Variants in STYXL1 observed in about 807,000 individuals in gnomAD.
STYXL1 encodes serine/threonine/tyrosine interacting like 1, also known as serine/threonine/tyrosine-interacting-like protein 1.
STYXL1 carries 32 observed loss-of-function variants against 36.4 expected under a neutral mutation model. The observed-to-expected ratio is 0.88, with a 90% CI of 0.66 to 1.18. The LOEUF is 1.18. Ranked by LOEUF, STYXL1 falls within the 50% of genes most tolerant of loss-of-function variation. The pLI is 0.00. For synonymous variants in STYXL1, 133 were observed against 144.1 expected (o/e 0.92, Z 0.55); for missense variants, 354 against 394.1 (o/e 0.90, Z 0.86).
chr7:76,014,276 G>C (rs1227173990), intron 4 of STYXL1, among the ~76,000 whole-genome samples: 1 of 151,748 alleles, frequency 6.6e-6, no homozygotes, highest in East Asian at 1.9e-4. Context: ...TGCCCGGCTT[G>C]AAATGCAATT....
intron 7 of STYXL1, 90 bp downstream of exon 7, chr7:76,003,668 G>T: frequency 8.5e-7 from 1 of 1,178,082 alleles, no homozygotes; most frequent in Non-Finnish European, 1.2e-6. Context: ...GGGAAATCAC[G>T]GTCCAGAATA....
At chr7:76,001,330 C>T (rs1314143538) in intron 7 of STYXL1, among the ~76,000 whole-genome samples, 1 of 152,216 alleles carries the variant, frequency 6.6e-6, no homozygotes, top group African/African-American at 2.4e-5. Flanking sequence ...GGACCATCGT[C>T]ATCCCAAAAA....
chr7:76,018,638 G>A (rs141415905), intron 4 of STYXL1, among the ~76,000 whole-genome samples: 107 of 152,198 alleles, frequency 7.0e-4, no homozygotes, highest in African/African-American at 2.4e-3. Flanking sequence ...TGATCCTCCC[G>A]CCTTGGCCTT....
intron 1 of STYXL1, among the ~76,000 whole-genome samples, chr7:76,037,317 G>C (rs1278301222): frequency 6.6e-6 from 1 of 150,470 alleles, no homozygotes; most frequent in African/African-American, 2.4e-5. Context: ...CCACCAGGGG[G>C]AAGGTCTGTC....
In STYXL1 at chr7:76,030,394, C is replaced by T. The variant is rs781875555; in HGVS notation, c.103+27G>A. 1.7e-5 allele frequency: 27 copies of T among 1,544,034 alleles called. No individual in the cohort carries two copies. The Admixed American group carries it at 4.5e-4, about 26-fold the overall frequency. ...ATGTTTGAAGGACACTGTGTTTGAC[C>T]TCCTCCGCTTTTTTCCAAGTACTTA... On this transcript the variant is annotated intron_variant, in intron 2 of 8. Coordinates refer to ENST00000359697, the MANE Select transcript of STYXL1 (RefSeq NM_001317785.2).
intron 8 of STYXL1, among the ~76,000 whole-genome samples, chr7:75,999,763 C>G (rs1554565923): frequency 6.6e-6 from 1 of 152,044 alleles, no homozygotes; most frequent in African/African-American, 2.4e-5. Flanking sequence ...CCAGGCTGGT[C>G]TTGAACTCCT....
In STYXL1 at chr7:76,003,846, G is replaced by A. The variant is rs782470837; in HGVS notation, c.609C>T (p.Gly203=). ...VSMDTGPFFA[G]DADKLLHIRI... ...GGATGTGCAGAAGCTTGTCAGCATC[G>A]CCTGCAAAACTACACGGAAGGACCA... Residue 203 remains glycine, a synonymous_variant, in exon 7 of 9, where the codon GGC becomes GGT. Coordinates refer to ENST00000359697, the MANE Select transcript of STYXL1 (RefSeq NM_001317785.2). 1.1e-5 allele frequency: 17 copies of A among 1,613,982 alleles called. No homozygotes were observed. Among genetic ancestry groups the A allele is most frequent in the South Asian group, 6.6e-5 (6 of 91,084 alleles).
chr7:76,047,813 TG>T lies in STYXL1; in HGVS notation c.-157del. ...CGGAGCCTCTGCCTGGGGCCCCACC[TG>T]GAAAAATGGCTCCTCTAAGGCGCTT... On this transcript the variant is annotated 5_prime_UTR_variant, in exon 1 of 9. Coordinates refer to ENST00000359697, the MANE Select transcript of STYXL1 (RefSeq NM_001317785.2). 1.1e-6 allele frequency: 1 copy of T among 916,706 alleles called. No homozygotes were observed. Among genetic ancestry groups the T allele is most frequent in the Non-Finnish European group, 1.4e-6 (1 of 698,420 alleles). The allele number at this position is 916,706 out of a possible 1,614,324, so 56.8% of individuals were successfully genotyped here.
At chr7:76,009,492 C>A (rs1469919447) in intron 5 of STYXL1, among the ~76,000 whole-genome samples, 2 of 152,122 alleles carry the variant, frequency 1.3e-5, no homozygotes, top group Non-Finnish European at 2.9e-5. Flanking sequence ...CTCACTGCAA[C>A]CTCCGCCTCC....
At chr7:76,007,437 T>C (rs782508080) in intron 5 of STYXL1, among the ~76,000 whole-genome samples, 7 of 152,004 alleles carry the variant, frequency 4.6e-5, no homozygotes, top group African/African-American at 1.7e-4. Context: ...ATAAATAAAG[T>C]ATACGAGACG....
At chr7:76,007,861 G>A (rs1015384033) in intron 5 of STYXL1, among the ~76,000 whole-genome samples, 34 of 142,880 alleles carry the variant, frequency 2.4e-4, no homozygotes, top group Non-Finnish European at 3.0e-4. Flanking sequence ...GTTACAGAGA[G>A]TTATGACCGC....
intron 4 of STYXL1, among the ~76,000 whole-genome samples, chr7:76,019,464 A>T (rs1563491422): frequency 9.6e-5 from 14 of 145,516 alleles, no homozygotes; most frequent in Non-Finnish European, 1.5e-5. Context: ...GCCTGGCTAA[A>T]TTTTTTTTTT....
At chr7:76,019,659 G>A (rs1411390826) in intron 4 of STYXL1, among the ~76,000 whole-genome samples, 2 of 151,958 alleles carry the variant, frequency 1.3e-5, no homozygotes, top group African/African-American at 4.8e-5. Flanking sequence ...TTCCAGAAGG[G>A]GCTGTGGAGG....
chr7:76,021,800 T>G (rs1554576264), intron 4 of STYXL1, 51 bp downstream of exon 4: 7 of 1,386,594 alleles, frequency 5.0e-6, no homozygotes, highest in South Asian at 2.3e-5. Context: ...TATAACAAAT[T>G]TGTTCAATAG....
At position 76,020,576 on chromosome 7, in the gene STYXL1, C is replaced by A. The variant is rs10263420; in HGVS notation, c.307+1275G>T. ...GAGCCAAAAAGGCCTGGGTTTGAAT[C>A]CTGGCCCCACCACTTATAGGTGTGG... is the stretch of plus-strand genomic sequence containing the variant. On this transcript the variant is annotated intron_variant, in intron 4 of 8. Transcript: ENST00000359697. 4.9e-3 allele frequency among the ~76,000 whole-genome samples: 743 copies of A among 152,302 alleles called. 7 individuals carry two copies. Among genetic ancestry groups the A allele is most frequent in the African/African-American group, 0.017 (709 of 41,574 alleles).
At chr7:76,003,024 G>A (rs1193340810) in intron 7 of STYXL1, among the ~76,000 whole-genome samples, 1 of 152,212 alleles carries the variant, frequency 6.6e-6, no homozygotes, top group African/African-American at 2.4e-5. Context: ...CAGACAGGCA[G>A]GCATGGGGTG....
At position 76,024,948 on chromosome 7, in the gene STYXL1, C is replaced by CAAA. The variant is rs56728505; in HGVS notation, c.166-2959_166-2957dup. Among the ~76,000 whole-genome samples the CAAA allele has an allele frequency of 6.1e-4, 44 of 72,392 alleles. 2 individuals carry two copies. The highest frequency in any genetic ancestry group is 2.8e-3 in the East Asian group (7 of 2,494). 47.5% of individuals were successfully genotyped at this position (72,392 alleles called of 152,430 possible). ...TGGGCGACAGAGTGAGACTCTGTCT[C>CAAA]AAAAAAAAAAAAAAAAAAAAATTCA... On this transcript the variant is annotated intron_variant, in intron 3 of 8. Coordinates refer to ENST00000359697, the MANE Select transcript of STYXL1 (RefSeq NM_001317785.2).
chr7:76,004,987 T>C (rs1381748368), intron 6 of STYXL1, among the ~76,000 whole-genome samples: 4 of 151,912 alleles, frequency 2.6e-5, no homozygotes, highest in Non-Finnish European at 4.4e-5. Context: ...GGTGACAGAG[T>C]GAGACTCCGT....
At chr7:76,002,825 G>A (rs563507689) in intron 7 of STYXL1, among the ~76,000 whole-genome samples, 47 of 152,324 alleles carry the variant, frequency 3.1e-4, no homozygotes, top group African/African-American at 1.1e-3. Context: ...TTGGGAGGCT[G>A]AGGTAGGAGG....
Sources: gnomAD v4.1 joint callset for allele counts (sites outside exome capture counted in the v4.1 genomes callset) on GRCh38, gnomAD v4.1.1 for gene constraint, MANE v1.5 for transcripts, NCBI Gene and HGNC (gene_info 2026-07-23, HGNC 2026-07-21) for gene names.